The following BCO2 variants were observed in gnomAD, a reference collection of about 807,000 sequenced individuals.
BCO2 encodes the protein carotenoid-cleaving dioxygenase, mitochondrial.
Under a neutral mutation model 65.8 loss-of-function variants are expected in BCO2, and 56 were observed. The ratio of observed to expected loss-of-function variants is 0.85; its 90% confidence interval spans 0.69 to 1.06. The LOEUF (loss-of-function observed/expected upper bound fraction) is 1.06. BCO2 is among the 50% of genes least tolerant of loss of function. The pLI is 0.00. For synonymous variants in BCO2, 233 were observed against 242.3 expected (o/e 0.96, Z 0.36); for missense variants, 675 against 698.5 (o/e 0.97, Z 0.38).
chr11:112,203,085 T>G (rs555555381), intron 8 of BCO2, among the ~76,000 whole-genome samples: 2 of 151,332 alleles, frequency 1.3e-5, no homozygotes, highest in Admixed American at 1.3e-4. Flanking sequence ...TGATAGTTCC[T>G]TATTTCCTTA....
Position 112,194,710 on chromosome 11 carries a change from CT to C in BCO2, c.692del (p.Leu231ArgfsTer40). ...NGATAHPHYD[L>X]DGTAYNMGNS... ...AGCAACTGCACATCCTCATTATGAC[CT>C]GGATGGAACAGCATACAATATGGGG... On this transcript the variant is annotated frameshift_variant, in exon 5 of 12. Transcript: ENST00000357685. LOFTEE classifies it high-confidence loss of function. 6.2e-7 allele frequency: 1 copy of C among 1,612,934 alleles called. No individual in the cohort carries two copies. The highest frequency in any genetic ancestry group is 1.1e-5 in the South Asian group (1 of 90,932).
chr11:112,200,431 T>C, intron 6 of BCO2, 182 bp from the exon 7 acceptor site: 2 of 525,370 alleles, frequency 3.8e-6, no homozygotes, highest in Non-Finnish European at 3.2e-6. Context: ...GTTCCCTTTT[T>C]TATAAAGGAA....
At chr11:112,209,391 A>G (rs1046782223) in intron 8 of BCO2, among the ~76,000 whole-genome samples, 8 of 152,202 alleles carry the variant, frequency 5.3e-5, no homozygotes, top group African/African-American at 1.9e-4. Flanking sequence ...AGCAATATGC[A>G]TTTAAGGTTC....
intron 2 of BCO2, chr11:112,179,807 C>A (rs1356334683): frequency 3.1e-6 from 1 of 318,728 alleles, no homozygotes; most frequent in Non-Finnish European, 6.0e-6. Context: ...ATACCACTCT[C>A]TCCCTCACCC....
chr11:112,216,109 C>G (rs1231616294), intron 10 of BCO2, 111 bp from the exon 11 acceptor site: 6 of 724,286 alleles, frequency 8.3e-6, no homozygotes, highest in Non-Finnish European at 1.5e-5. Flanking sequence ...TTGGAGGGGA[C>G]ACACATCCAA....
At chr11:112,199,852 T>A in intron 6 of BCO2, 25 bp downstream of exon 6, 1 of 1,612,240 alleles carries the variant, frequency 6.2e-7, no homozygotes, top group African/African-American at 1.3e-5. Context: ...AAGGCAAATT[T>A]CAGTGGGCTC....
At chr11:112,187,745 T>C (rs1384917537) in intron 2 of BCO2, among the ~76,000 whole-genome samples, 3 of 152,140 alleles carry the variant, frequency 2.0e-5, no homozygotes, top group African/African-American at 7.2e-5. Context: ...TTTCCTCATC[T>C]GCCAAATAAC....
chr11:112,202,282 T>C, intron 8 of BCO2, 92 bp downstream of exon 8: 2 of 1,186,330 alleles, frequency 1.7e-6, no homozygotes, highest in South Asian at 3.2e-5. Context: ...TCTCTCTCTC[T>C]CTCTCTCTTT....
intron 2 of BCO2, among the ~76,000 whole-genome samples, chr11:112,192,391 A>T (rs2135366815): frequency 6.6e-6 from 1 of 152,306 alleles, no homozygotes; most frequent in Non-Finnish European, 1.5e-5. Flanking sequence ...TCAGTTAATC[A>T]ATGTGTTAAG....
rs1405678940 is a variant in BCO2, at chr11:112,179,256, G to A, written c.89-22G>A. The A allele has an allele frequency of 2.5e-6, 4 of 1,605,436 alleles. No homozygotes were observed. In the African/African-American group the frequency reaches 5.4e-5, roughly 21 times the overall value. On this transcript the variant is annotated intron_variant, in intron 1 of 11. Transcript: ENST00000357685. ...GAAGATTTGGTAAAATATTTTTTGT[G>A]CTTTTGGTTTCCTCTGCACAGTTTT...
rs1444906238 is a variant in BCO2 at position 112,206,318 on chromosome 11, G to A, written c.1194+4128G>A. On this transcript the variant is annotated intron_variant, in intron 8 of 11. Transcript: ENST00000357685. ...GAGGCACTCCTGGGGCGGCAGGGGC[G>A]GCAGCTGGGCAGAGGTGTTCCTCAG... Among the ~76,000 whole-genome samples the A allele has an allele frequency of 3.3e-5, 5 of 151,462 alleles. 1 individual carries two copies. The highest frequency in any genetic ancestry group is 5.9e-5 in the Non-Finnish European group (4 of 67,874).
chr11:112,208,729 C>A, intron 8 of BCO2: 1 of 202,654 alleles, frequency 4.9e-6, no homozygotes, highest in Non-Finnish European at 1.1e-5. Flanking sequence ...ATCAGCAGGG[C>A]AACCATCTCA....
At chr11:112,205,319 A>C (rs917508196) in intron 8 of BCO2, among the ~76,000 whole-genome samples, 1 of 152,166 alleles carries the variant, frequency 6.6e-6, no homozygotes, top group Non-Finnish European at 1.5e-5. Context: ...AACATTTGTT[A>C]TCTCTTGTCT....
chr11:112,208,087 G>C (rs1243517008), intron 8 of BCO2, among the ~76,000 whole-genome samples: 1 of 151,844 alleles, frequency 6.6e-6, no homozygotes, highest in Non-Finnish European at 1.5e-5. Context: ...AGCTTCCTGA[G>C]TAGCTGGGAC....
intron 2 of BCO2, among the ~76,000 whole-genome samples, chr11:112,192,925 G>GTT (rs71060229): frequency 1.6e-4 from 6 of 36,658 alleles, no homozygotes; most frequent in South Asian, 1.5e-3. Context: ...AAAATGTGAG[G>GTT]TTTTTTTTTT....
At position 112,214,805 on chromosome 11, in the gene BCO2, A is replaced by G; in HGVS notation, c.1376A>G (p.Lys459Arg). The change falls in exon 10 of 12, where the codon AAG (lysine) becomes AGG (arginine). Residue 459 changes from lysine to arginine, a missense_variant. Physicochemically the swap from Lys to Arg is conservative, Grantham distance 26 (BLOSUM62 2). Coordinates refer to ENST00000357685, the MANE Select transcript of BCO2 (RefSeq NM_031938.7). ...AATCTACATCAGGAGGACCTAGAAA[A>G]GGAAGGAGGCATTGAATTTCCTCAG... ...HENLHQEDLE[K>R]EGGIEFPQIY... 6.2e-7 allele frequency: 1 copy of G among 1,613,910 alleles called. No individual in the cohort carries two copies. The highest frequency in any genetic ancestry group is 8.5e-7 in the Non-Finnish European group (1 of 1,179,778).
rs553884859 is a variant in BCO2 at position 112,213,796 on chromosome 11, G to A, written c.1267G>A (p.Glu423Lys). Reference sequence around the variant, plus strand: ...TTTAAATGTCAGTTTGAATGCCCCTGAGGGAGACAACCTGAGTCCATTGTC... The same window carrying A: ...TTTAAATGTCAGTTTGAATGCCCCTAAGGGAGACAACCTGAGTCCATTGTC... ...LPLNVSLNAP[E>K]GDNLSPLSYT... Residue 423 changes from glutamate to lysine, a missense_variant, in exon 9 of 12, where the codon GAG becomes AAG. By Grantham distance (56) the Glu-to-Lys change is moderately conservative. Transcript: ENST00000357685. 3.7e-6 allele frequency: 6 copies of A among 1,613,456 alleles called. No individual in the cohort carries two copies. Among genetic ancestry groups the A allele is most frequent in the East Asian group, 4.5e-5 (2 of 44,836 alleles).
chr11:112,217,765 A>G lies in BCO2; in HGVS notation c.1631A>G (p.Glu544Gly). 6.2e-7 allele frequency: 1 copy of G among 1,608,708 alleles called. No homozygotes were observed. The highest frequency in any genetic ancestry group is 8.5e-7 in the Non-Finnish European group (1 of 1,176,300). The change falls in exon 12 of 12, where the codon GAA becomes GGA. Residue 544 changes from glutamate (E) to glycine (G), a missense_variant. Physicochemically the swap from Glu to Gly is moderately conservative, Grantham distance 98. Coordinates refer to ENST00000357685, the MANE Select transcript of BCO2 (RefSeq NM_031938.7). ...ATATTGTCTTTTCTTTTCTAGAATG[A>G]AAGCAATTTTATCCTAGTTTTGGAT... ...LSVVITPNQN[E>G]SNFILVLDAK...
At chr11:112,179,543 T>G in intron 2 of BCO2, 61 bp downstream of exon 2, 1 of 1,398,666 alleles carries the variant, frequency 7.1e-7, no homozygotes. Context: ...CTGTGGAATA[T>G]GCATTAATAT....
Sources: gnomAD v4.1 joint callset for allele counts (sites outside exome capture counted in the v4.1 genomes callset) on GRCh38, gnomAD v4.1.1 for gene constraint, MANE v1.5 for transcripts, NCBI Gene and HGNC (gene_info 2026-07-23, HGNC 2026-07-21) for gene names.